Variants in ERCC6L2 observed in about 807,000 individuals in gnomAD.
ERCC6L2 encodes the protein ERCC excision repair 6 like 2.
Under a neutral mutation model 132.0 loss-of-function variants are expected in ERCC6L2, and 77 were observed. The ratio of observed to expected loss-of-function variants is 0.58; its 90% CI spans 0.49 to 0.71. The LOEUF (loss-of-function observed/expected upper bound fraction) is 0.71. Among genes scored for constraint, ERCC6L2 ranks in the 30% least tolerant of loss-of-function variants. ERCC6L2 has a pLI of 0.00. For missense variants in ERCC6L2, 1,542 were observed against 1,837.6 expected, an observed-to-expected ratio of 0.84 and a Z score of 2.94; for synonymous variants, 583 against 632.4, an observed-to-expected ratio of 0.92 and a Z score of 1.17.
In ERCC6L2 at chr9:96,015,926, A is replaced by C. The variant is rs563981740; in HGVS notation, c.*2723A>C. 3.3e-5 allele frequency among the ~76,000 whole-genome samples: 5 copies of C among 152,358 alleles called. No homozygotes were observed. In the South Asian group the frequency reaches 1.0e-3, roughly 32 times the overall value. ...TCACTATTATGTAGGAAAGTGTGTCAGGTGGAATGCAGAGTCCAGTATGAA... is the reference window on the plus strand; with the variant it reads ...TCACTATTATGTAGGAAAGTGTGTCCGGTGGAATGCAGAGTCCAGTATGAA... On this transcript the variant is annotated 3_prime_UTR_variant, in exon 19 of 19. Transcript: ENST00000653738.
intron 16 of ERCC6L2, among the ~76,000 whole-genome samples, chr9:95,973,320 T>C (rs941911728): frequency 9.2e-5 from 14 of 152,240 alleles, no homozygotes; most frequent in African/African-American, 3.1e-4. Flanking sequence ...AAATCACAGT[T>C]CCTCTGCCCC....
intron 12 of ERCC6L2, among the ~76,000 whole-genome samples, chr9:95,942,729 G>A (rs1830863174): frequency 6.6e-6 from 1 of 152,148 alleles, no homozygotes; most frequent in Non-Finnish European, 1.5e-5. Context: ...GAGACTGGAG[G>A]ACGGGAGATA....
chr9:95,926,231 A>G (rs1193357553), intron 9 of ERCC6L2, among the ~76,000 whole-genome samples: 1 of 152,232 alleles, frequency 6.6e-6, no homozygotes, highest in South Asian at 2.1e-4. Context: ...TAGTCTTACT[A>G]TATGATCCCG....
At chr9:95,902,325 C>G (rs1363178975) in intron 3 of ERCC6L2, among the ~76,000 whole-genome samples, 1 of 152,092 alleles carries the variant, frequency 6.6e-6, no homozygotes, top group East Asian at 1.9e-4. Flanking sequence ...ATATTACTAT[C>G]TTGCATGATG....
intron 3 of ERCC6L2, among the ~76,000 whole-genome samples, chr9:95,899,809 A>G (rs1360678544): frequency 6.6e-6 from 1 of 152,154 alleles, no homozygotes; most frequent in Admixed American, 6.5e-5. Context: ...TATACTTTAA[A>G]TCATCTGTAG....
intron 18 of ERCC6L2, among the ~76,000 whole-genome samples, chr9:96,011,126 G>A (rs551532939): frequency 6.6e-6 from 1 of 152,276 alleles, no homozygotes; most frequent in South Asian, 2.1e-4. Flanking sequence ...TATAGACTGG[G>A]TGGCTTAAAC....
intron 12 of ERCC6L2, among the ~76,000 whole-genome samples, chr9:95,944,334 A>C (rs1363846035): frequency 6.6e-6 from 1 of 152,196 alleles, no homozygotes; most frequent in Non-Finnish European, 1.5e-5. Context: ...AAATCCATAG[A>C]GATAGAAAGT....
At chr9:95,918,098 TC>T in intron 6 of ERCC6L2, 1 of 322,290 alleles carries the variant, frequency 3.1e-6, no homozygotes, top group Non-Finnish European at 6.0e-6. Context: ...GCATCCTTCT[TC>T]AGTCTGGTTT....
chr9:95,959,555 C>T (rs1831800494), intron 13 of ERCC6L2, among the ~76,000 whole-genome samples: 1 of 152,000 alleles, frequency 6.6e-6, no homozygotes, highest in African/African-American at 2.4e-5. Context: ...TAAAGAGCTT[C>T]TGCACAGCAA....
chr9:96,038,912 G>A (rs1461841111), exon 20 of ERCC6L2: 1 of 456,310 alleles, frequency 2.2e-6, no homozygotes, highest in South Asian at 1.5e-5. Flanking sequence ...TCTGGAGGAA[G>A]CCAGCAGCCA....
chr9:95,979,124 A>G (rs192964333), intron 17 of ERCC6L2, among the ~76,000 whole-genome samples: 4 of 152,352 alleles, frequency 2.6e-5, no homozygotes, highest in East Asian at 3.9e-4. Flanking sequence ...TTCTACCCAG[A>G]TATTATATTA....
intron 17 of ERCC6L2, among the ~76,000 whole-genome samples, chr9:96,000,585 G>A (rs1406476118): frequency 2.0e-5 from 3 of 152,132 alleles, no homozygotes; most frequent in Admixed American, 1.3e-4. Context: ...GGAATTAAAA[G>A]TCATTCCTTG....
intron 13 of ERCC6L2, among the ~76,000 whole-genome samples, 178 bp from the exon 14 acceptor site, chr9:95,966,384 G>A (rs56162045): frequency 6.6e-6 from 1 of 152,258 alleles, no homozygotes; most frequent in East Asian, 1.9e-4. Context: ...AGACTGGCCA[G>A]ATTATTATTA....
intron 19 of ERCC6L2, among the ~76,000 whole-genome samples, chr9:96,029,997 G>T (rs1172503634): frequency 6.6e-6 from 1 of 152,178 alleles, no homozygotes; most frequent in African/African-American, 2.4e-5. Context: ...GCCTTCCTCT[G>T]CCCCAATCCC....
intron 13 of ERCC6L2, among the ~76,000 whole-genome samples, chr9:95,956,741 T>C (rs957911236): frequency 6.6e-6 from 1 of 152,096 alleles, no homozygotes; most frequent in African/African-American, 2.4e-5. Context: ...AACAGCAGCA[T>C]GGGTATAACT....
intron 12 of ERCC6L2, among the ~76,000 whole-genome samples, chr9:95,949,432 A>G (rs1331694882): frequency 6.6e-6 from 1 of 152,334 alleles, no homozygotes; most frequent in Admixed American, 6.5e-5. Flanking sequence ...CAAAGAGAGC[A>G]TCTTGAAAGC....
chr9:96,028,372 G>C (rs1458715970), intron 19 of ERCC6L2, among the ~76,000 whole-genome samples: 1 of 152,164 alleles, frequency 6.6e-6, no homozygotes, highest in Non-Finnish European at 1.5e-5. Flanking sequence ...CTTGAGATTA[G>C]AGTGTGCCCT....
intron 6 of ERCC6L2, among the ~76,000 whole-genome samples, chr9:95,920,110 A>G (rs1233424400): frequency 6.6e-6 from 1 of 152,232 alleles, no homozygotes; most frequent in Admixed American, 6.5e-5. Context: ...CCATATAGAA[A>G]CATTTTTTTA....
chr9:95,918,122 AATAAAAG>A (rs1425005462), intron 6 of ERCC6L2: 4 of 410,104 alleles, frequency 9.8e-6, no homozygotes, highest in Admixed American at 2.5e-5. Context: ...GTCTTTAAAA[AATAAAAG>A]ATAAAAATAG....
Sources: allele counts gnomAD v4.1 joint callset (sites outside exome capture counted in the v4.1 genomes callset), GRCh38; gene constraint gnomAD v4.1.1; transcripts MANE v1.5; gene names NCBI Gene and HGNC (gene_info 2026-07-23, HGNC 2026-07-21).